The following PTPN21 variants were observed in gnomAD, a reference collection of about 807,000 sequenced individuals.
The protein encoded by PTPN21 is protein tyrosine phosphatase non-receptor type 21.
In PTPN21, 77 loss-of-function variants were observed where a neutral mutation model predicts 131.8. The observed-to-expected ratio is 0.58, with a 90% CI of 0.49 to 0.71. The LOEUF (loss-of-function observed/expected upper bound fraction) is 0.71. PTPN21 is among the 30% of genes least tolerant of loss of function. The pLI is 0.00. For synonymous variants in PTPN21, 715 were observed against 621.3 expected (o/e 1.15, Z -2.24); for missense variants, 1,552 against 1,527.1 (o/e 1.02, Z -0.27).
At chr14:88,509,686 A>T (rs1197342720) in intron 3 of PTPN21, among the ~76,000 whole-genome samples, 1 of 152,194 alleles carries the variant, frequency 6.6e-6, no homozygotes, top group Non-Finnish European at 1.5e-5. Flanking sequence ...CTGTCTATTG[A>T]ACATGCTATT....
At chr14:88,491,486 T>C (rs1457153511) in intron 10 of PTPN21, among the ~76,000 whole-genome samples, 2 of 152,222 alleles carry the variant, frequency 1.3e-5, no homozygotes, top group Non-Finnish European at 2.9e-5. Context: ...CCTATCACGC[T>C]TTAGTTTACC....
chr14:88,495,477 A>C (rs904036214), intron 10 of PTPN21, among the ~76,000 whole-genome samples: 3 of 152,170 alleles, frequency 2.0e-5, no homozygotes, highest in African/African-American at 7.2e-5. Flanking sequence ...CCTGAACAAC[A>C]TGGAGAAACC....
chr14:88,518,043 G>A (rs2078307974), intron 2 of PTPN21, among the ~76,000 whole-genome samples: 1 of 146,508 alleles, frequency 6.8e-6, no homozygotes, highest in Non-Finnish European at 1.5e-5. Context: ...TCTAGGTCGT[G>A]AATGTATTTT....
At chr14:88,492,138 T>C (rs2077834519) in intron 10 of PTPN21, among the ~76,000 whole-genome samples, 1 of 152,026 alleles carries the variant, frequency 6.6e-6, no homozygotes. Flanking sequence ...TTATTCAAAA[T>C]GTAGACTCTC....
At chr14:88,528,857 T>C (rs1442759258) in intron 2 of PTPN21, among the ~76,000 whole-genome samples, 1 of 152,194 alleles carries the variant, frequency 6.6e-6, no homozygotes, top group Non-Finnish European at 1.5e-5. Flanking sequence ...ACTGAATTCA[T>C]TTATCGATCT....
intron 2 of PTPN21, among the ~76,000 whole-genome samples, chr14:88,518,273 T>TATATATATATATACACAC (rs763756368): frequency 1.5e-5 from 1 of 68,242 alleles, no homozygotes; most frequent in African/African-American, 7.2e-5. Context: ...TATATATATA[T>TATATATATATATACACAC]ACACACACAC....
Position 88,472,261 on chromosome 14 carries a change from TG to T in PTPN21, c.2853del (p.Asn952ThrfsTer42). On this transcript the variant is annotated frameshift_variant, in exon 15 of 19. Coordinates refer to ENST00000556564, the MANE Select transcript of PTPN21 (RefSeq NM_007039.4). LOFTEE classifies it high-confidence loss of function. ...VPTKENNTGY[I>X]NASHIKVSVS... ...CCTCTCACCTTAATATGTGATGCGT[TG>T]ATGTAACCAGTGTTGTTTTCTTTAG... is the stretch of plus-strand genomic sequence containing the variant. The T allele has an allele frequency of 1.2e-6, 2 of 1,610,418 alleles. No homozygotes were observed. Among genetic ancestry groups the T allele is most frequent in the Non-Finnish European group, 1.7e-6 (2 of 1,176,658 alleles).
chr14:88,546,697 G>A (rs185129975), intron 2 of PTPN21, among the ~76,000 whole-genome samples: 168 of 152,104 alleles, frequency 1.1e-3, no homozygotes, highest in Non-Finnish European at 1.7e-3. Context: ...ATCTATATGC[G>A]ATAATTCCAG....
intron 2 of PTPN21, among the ~76,000 whole-genome samples, chr14:88,519,880 T>C (rs569402010): frequency 1.3e-5 from 2 of 152,314 alleles, no homozygotes; most frequent in African/African-American, 4.8e-5. Context: ...GCTGTAGAGA[T>C]ACCATAGATT....
rs757469113 is a variant in PTPN21 at position 88,550,361 on chromosome 14, G to A, written c.57C>T (p.Ser19=). The part of the protein sequence containing the change: ...LKRTRRYTVS[S]KSCLVARIQL... ...GGATCCGGGCAACCAGGCAACTCTT[G>A]CTGGACACCGTGTAGCGCCGGGTGC... is the stretch of plus-strand genomic sequence containing the variant. The change falls in exon 2 of 19, where the codon AGC becomes AGT. Residue 19 remains serine (S), a synonymous_variant. Transcript: ENST00000556564. 6.2e-7 allele frequency: 1 copy of A among 1,614,226 alleles called. No homozygotes were observed. The highest frequency in any genetic ancestry group is 1.1e-5 in the South Asian group (1 of 91,080).
intron 2 of PTPN21, among the ~76,000 whole-genome samples, chr14:88,523,387 A>G (rs1253989051): frequency 6.6e-6 from 1 of 152,180 alleles, no homozygotes; most frequent in Non-Finnish European, 1.5e-5. Flanking sequence ...GACAAAATCC[A>G]ACATCCTTAA....
chr14:88,518,368 GTGTGTA>G (rs1422371867), intron 2 of PTPN21, among the ~76,000 whole-genome samples: 21 of 27,576 alleles, frequency 7.6e-4, no homozygotes, highest in African/African-American at 1.2e-3. Flanking sequence ...ATACACGTGT[GTGTGTA>G]TGTGTGTGTG....
In PTPN21 at chr14:88,505,293, A is replaced by G; in HGVS notation, c.516+11T>C. 1 of 1,581,646 alleles carries G rather than the reference A, an allele frequency of 6.3e-7. No homozygotes were observed. The highest frequency in any genetic ancestry group is 2.2e-5 in the East Asian group (1 of 44,612). On this transcript the variant is annotated intron_variant, in intron 5 of 18. Transcript: ENST00000556564. The stretch of plus-strand genomic sequence containing the variant: ...TTCTTTTAAAAGGCCCAGTGTCAAA[A>G]GAAGTCTTACCACAGGAAACAAGGC...
intron 2 of PTPN21, among the ~76,000 whole-genome samples, chr14:88,531,994 A>G (rs1201540833): frequency 6.6e-6 from 1 of 152,204 alleles, no homozygotes; most frequent in Non-Finnish European, 1.5e-5. Flanking sequence ...CATAAACTAG[A>G]AAACCTAAGG....
chr14:88,518,319 CGTAT>C (rs2078320864), intron 2 of PTPN21, among the ~76,000 whole-genome samples: 1 of 76,960 alleles, frequency 1.3e-5, no homozygotes, highest in African/African-American at 4.8e-5. Context: ...TGTATATATA[CGTAT>C]ATATACACAT....
Position 88,504,485 on chromosome 14 carries a change from TG to T in PTPN21, c.526del (p.Gln176LysfsTer36). The T allele has an allele frequency of 6.2e-7, 1 of 1,612,708 alleles. No homozygotes were observed. Among genetic ancestry groups the T allele is most frequent in the South Asian group, 1.1e-5 (1 of 91,046 alleles). ...TGCTTCTTCCAATACTTTTTCATCT[TG>T]TAACCATCCCTGAAGAAAACACACA... ...KFALFPVGWL[Q>X]DEKVLEEATQ... On this transcript the variant is annotated frameshift_variant, in exon 6 of 19. Transcript: ENST00000556564. LOFTEE classifies it high-confidence loss of function.
At position 88,479,282 on chromosome 14, in the gene PTPN21, C is replaced by T. The variant is rs1425988534; in HGVS notation, c.2149G>A (p.Glu717Lys). Residue 717 changes from glutamate to lysine, a missense_variant, in exon 13 of 19, where the codon GAG becomes AAG. By Grantham distance (56) the Glu-to-Lys change is moderately conservative (BLOSUM62 1). Coordinates refer to ENST00000556564, the MANE Select transcript of PTPN21 (RefSeq NM_007039.4). Reference sequence around the variant, plus strand: ...GCCCCGCTCTCCTCCTCGAAGTCCTCGTCCTCCTCCTCCTCGCTGCTGTGG... The same window carrying T: ...GCCCCGCTCTCCTCCTCGAAGTCCTTGTCCTCCTCCTCCTCGCTGCTGTGG... ...LIHSSEEEEDEDFEEESGARA... is the reference protein window; with the variant it reads ...LIHSSEEEEDKDFEEESGARA... The T allele has an allele frequency of 1.2e-6, 2 of 1,613,118 alleles. No homozygotes were observed. Among genetic ancestry groups the T allele is most frequent in the South Asian group, 1.1e-5 (1 of 91,066 alleles).
intron 6 of PTPN21, 101 bp from the exon 7 acceptor site, chr14:88,501,469 A>G: frequency 9.8e-7 from 1 of 1,020,540 alleles, no homozygotes; most frequent in Non-Finnish European, 1.5e-6. Flanking sequence ...ATAAGACATT[A>G]TAAACATTTC....
chr14:88,505,404 T>C (rs1227125590), intron 4 of PTPN21, 33 bp from the exon 5 acceptor site: 2 of 1,477,314 alleles, frequency 1.4e-6, no homozygotes, highest in Admixed American at 1.8e-5. Flanking sequence ...ACGTTAATTA[T>C]ATTTAAATTT....
Sources: gnomAD v4.1 joint callset for allele counts (sites outside exome capture counted in the v4.1 genomes callset) on GRCh38, gnomAD v4.1.1 for gene constraint, MANE v1.5 for transcripts, NCBI Gene and HGNC (gene_info 2026-07-23, HGNC 2026-07-21) for gene names.